Variants in MCPH1 observed in about 807,000 individuals in gnomAD.
The protein encoded by MCPH1 is microcephalin.
In MCPH1, 104 loss-of-function variants were observed where a neutral mutation model predicts 84.5. The ratio of observed to expected loss-of-function variants is 1.23; its 90% confidence interval spans 1.05 to 1.45. The LOEUF is 1.45. MCPH1 is among the 40% of genes most tolerant of loss of function. The pLI, the probability that MCPH1 is intolerant of heterozygous loss-of-function variation, is 0.00. For missense variants in MCPH1, 1,498 were observed against 1,005.7 expected, an observed-to-expected ratio of 1.49 and a Z score of -6.62; for synonymous variants, 514 against 366.8, an observed-to-expected ratio of 1.40 and a Z score of -4.58.
intron 10 of MCPH1, among the ~76,000 whole-genome samples, chr8:6,479,662 G>T (rs1456431668): frequency 6.6e-6 from 1 of 151,990 alleles, no homozygotes; most frequent in Non-Finnish European, 1.5e-5. Flanking sequence ...TCACAGTGTG[G>T]CTTAGAAAGC....
Position 6,442,127 on chromosome 8 carries a change from T to C in MCPH1, c.641T>C (p.Leu214Ser), listed in dbSNP as rs763114241. The C allele has an allele frequency of 2.5e-6, 4 of 1,612,638 alleles. No homozygotes were observed. In the South Asian group the frequency reaches 3.3e-5, roughly 13 times the overall value. Residue 214 changes from leucine to serine, a missense_variant, in exon 7 of 14, where the codon TTG becomes TCG. Physicochemically the swap from Leu to Ser is moderately radical, Grantham distance 145 (BLOSUM62 -2). Transcript: ENST00000344683. The part of the protein sequence containing the change: ...NPSNSLCEAP[L>S]NISRDTLCSD... ...AGTAACTCTCTGTGTGAAGCACCTT[T>C]GAACATTTCACGTGATACTTTGTGT...
chr8:6,631,058 C>T (rs1360388781), intron 13 of MCPH1, among the ~76,000 whole-genome samples: 1 of 152,184 alleles, frequency 6.6e-6, no homozygotes, highest in African/African-American at 2.4e-5. Context: ...ATGCATACGG[C>T]AACCAGGCAA....
In MCPH1 at chr8:6,592,641, T is replaced by TTG. The variant is rs1828580107; in HGVS notation, c.2215-28812_2215-28811insGT. On this transcript the variant is annotated intron_variant, in intron 12 of 13. Coordinates refer to ENST00000344683, the MANE Select transcript of MCPH1 (RefSeq NM_024596.5). ...TTTTTTTGTTTTTTTTTTTTTTTTT[T>TTG]TTGTTGCTGTTGTTGTTTGTTTGTT... is the stretch of plus-strand genomic sequence containing the variant. Among the ~76,000 whole-genome samples, 50 of 107,482 alleles carry TTG rather than the reference T, an allele frequency of 4.7e-4. 1 individual carries two copies. The highest frequency in any genetic ancestry group is 1.3e-3 in the East Asian group (4 of 2,968). The allele number at this position is 107,482 out of a possible 152,430, so 70.5% of individuals were successfully genotyped here.
rs1221473567 is a variant in MCPH1 at position 6,445,041 on chromosome 8, C to T, written c.1319C>T (p.Ala440Val). 9 of 1,614,098 alleles carry T rather than the reference C, an allele frequency of 5.6e-6. No homozygotes were observed. The highest frequency in any genetic ancestry group is 1.7e-5 in the Admixed American group (1 of 60,014). Reference protein sequence around the residue: ...PPESQLPSSPAQLSCRSLSKK... With the variant: ...PPESQLPSSPVQLSCRSLSKK... ...GAATCTCAGCTGCCATCAAGCCCTG[C>T]TCAGTTGAGCTGCAGAAGTCTTTCT... Residue 440 changes from alanine (A) to valine (V), a missense_variant, in exon 8 of 14, where the codon GCT becomes GTT. Coordinates refer to ENST00000344683, the MANE Select transcript of MCPH1 (RefSeq NM_024596.5).
intron 9 of MCPH1, among the ~76,000 whole-genome samples, chr8:6,465,417 C>T (rs537732852): frequency 2.0e-5 from 3 of 152,310 alleles, no homozygotes; most frequent in Admixed American, 6.5e-5. Context: ...ACCCCGTCCT[C>T]GGACGCCTGG....
rs746187861 is a variant in MCPH1, at chr8:6,409,301, G to T, written c.45G>T (p.Val15=). 1.9e-6 allele frequency: 3 copies of T among 1,614,002 alleles called. No homozygotes were observed. Among genetic ancestry groups the T allele is most frequent in the East Asian group, 4.5e-5 (2 of 44,886 alleles). ...CAGATGTAGTGGCCTATGTTGAAGT[G>T]TGGTCATCCAATGGAACAGAAAATT... The part of the protein sequence containing the change: ...ILKDVVAYVE[V]WSSNGTENYS... Residue 15 remains valine, a synonymous_variant, in exon 2 of 14, where the codon GTG becomes GTT. Coordinates refer to ENST00000344683, the MANE Select transcript of MCPH1 (RefSeq NM_024596.5).
intron 1 of MCPH1, among the ~76,000 whole-genome samples, chr8:6,407,533 C>G (rs750505450): frequency 3.9e-4 from 59 of 152,170 alleles, no homozygotes; most frequent in African/African-American, 1.4e-3. Context: ...GGACACGTGT[C>G]TTGTAGAGTT....
At chr8:6,521,871 G>A (rs746848815) in intron 12 of MCPH1, among the ~76,000 whole-genome samples, 12 of 152,130 alleles carry the variant, frequency 7.9e-5, no homozygotes, top group African/African-American at 1.2e-4. Flanking sequence ...GATAATAATA[G>A]CACTTAATGC....
At chr8:6,488,670 A>T (rs968789146) in intron 11 of MCPH1, among the ~76,000 whole-genome samples, 1 of 152,144 alleles carries the variant, frequency 6.6e-6, no homozygotes, top group African/African-American at 2.4e-5. Flanking sequence ...GGGAGTGAGG[A>T]GGACAGGTGT....
intron 9 of MCPH1, chr8:6,474,313 T>C (rs2515589): frequency 0.99 from 487,772 of 491,838 alleles, 241,985 homozygotes; most frequent in East Asian, 1. Context: ...TTTTCCAACC[T>C]CTGGTGTACC....
Position 6,436,262 on chromosome 8 carries a change from A to C in MCPH1, c.436+100A>C, listed in dbSNP as rs558588759. 2.4e-6 allele frequency: 3 copies of C among 1,242,464 alleles called. No individual in the cohort carries two copies. In the African/African-American group the frequency reaches 4.5e-5, roughly 19 times the overall value. The allele number at this position is 1,242,464 out of a possible 1,614,324, so 77.0% of individuals were successfully genotyped here. ...GGGTTCAGCATGAGAGAGCTGATGA[A>C]GACTATGATAGCTTTACTCTATGAA... On this transcript the variant is annotated intron_variant, in intron 5 of 13. Coordinates refer to ENST00000344683, the MANE Select transcript of MCPH1 (RefSeq NM_024596.5).
At chr8:6,522,882 G>A (rs139746986) in intron 12 of MCPH1, among the ~76,000 whole-genome samples, 2 of 152,282 alleles carry the variant, frequency 1.3e-5, no homozygotes, top group African/African-American at 4.8e-5. Flanking sequence ...TTCTGACTCT[G>A]AAATCTGCTT....
rs117644988 is a variant in MCPH1, at chr8:6,615,050, C to T, written c.2215-6404C>T. Among the ~76,000 whole-genome samples the T allele has an allele frequency of 1.1e-4, 16 of 152,332 alleles. 1 individual carries two copies. The East Asian group carries it at 1.3e-3, about 13-fold the overall frequency. On this transcript the variant is annotated intron_variant, in intron 12 of 13. Transcript: ENST00000344683. ...TAACCACGCTCACACTGCGTAAGCA[C>T]GAACGGTCTGGTCCACACCTCATCA... is the stretch of plus-strand genomic sequence containing the variant.
intron 8 of MCPH1, among the ~76,000 whole-genome samples, chr8:6,452,469 G>A (rs749106294): frequency 6.6e-6 from 1 of 152,246 alleles, no homozygotes; most frequent in African/African-American, 2.4e-5. Flanking sequence ...TGTGTGTAAT[G>A]AGGTTGGGAG....
chr8:6,514,748 CG>C, intron 12 of MCPH1: 1 of 1,613,996 alleles, frequency 6.2e-7, no homozygotes, highest in Non-Finnish European at 8.5e-7. Flanking sequence ...ATTGTCCACC[CG>C]CCTCCTCCAG....
At position 6,646,234 on chromosome 8, in the gene MCPH1, G is replaced by A. The variant is rs1798210717; in HGVS notation, c.*3185G>A. 1 of 152,102 alleles carries A rather than the reference G, an allele frequency of 6.6e-6. No homozygotes were observed. Among genetic ancestry groups the A allele is most frequent in the Non-Finnish European group, 1.5e-5 (1 of 68,034 alleles). The allele number at this position is 152,102 out of a possible 1,614,324, so 9.4% of individuals were successfully genotyped here. On this transcript the variant is annotated 3_prime_UTR_variant, in exon 14 of 14. Transcript: ENST00000344683. ...GAAGTCGGGAGTTTAAGACCAGCCT[G>A]GCCAACTTGGTGAAACCTTGTCTCT... is the stretch of plus-strand genomic sequence containing the variant.
Position 6,575,903 on chromosome 8 carries a change from C to T in MCPH1, c.2215-45551C>T, listed in dbSNP as rs149947264. ...GAGAGGCCTGGGACAGATCCTGCCT[C>T]GTGGCTTTGGCTTCCAGAAGGAACC... is the stretch of plus-strand genomic sequence containing the variant. On this transcript the variant is annotated intron_variant, in intron 12 of 13. Coordinates refer to ENST00000344683, the MANE Select transcript of MCPH1 (RefSeq NM_024596.5). Among the ~76,000 whole-genome samples, 208 of 152,244 alleles carry T rather than the reference C, an allele frequency of 1.4e-3. 1 individual carries two copies. The highest frequency in any genetic ancestry group is 4.9e-3 in the African/African-American group (203 of 41,544).
intron 12 of MCPH1, among the ~76,000 whole-genome samples, chr8:6,518,853 TATC>T (rs1373138985): frequency 6.6e-6 from 1 of 152,192 alleles, no homozygotes; most frequent in African/African-American, 2.4e-5. Context: ...TCTCCTGTAA[TATC>T]ATTCTTCCCT....
chr8:6,478,205 A>G (rs1808729364), intron 10 of MCPH1, among the ~76,000 whole-genome samples: 1 of 152,246 alleles, frequency 6.6e-6, no homozygotes, highest in African/African-American at 2.4e-5. Context: ...CCATCAAAAC[A>G]TTGGAACATT....
Sources: allele counts gnomAD v4.1 joint callset (sites outside exome capture counted in the v4.1 genomes callset), GRCh38; gene constraint gnomAD v4.1.1; transcripts MANE v1.5; gene names NCBI Gene and HGNC (gene_info 2026-07-23, HGNC 2026-07-21).